ST6GAL2: variants seen among roughly 807,000 people sequenced by gnomAD.
ST6GAL2 encodes the protein ST6 beta-galactoside alpha-2,6-sialyltransferase 2.
Under a neutral mutation model 37.5 loss-of-function variants are expected in ST6GAL2, and 24 were observed. The observed-to-expected ratio is 0.64, with a 90% CI of 0.46 to 0.90. The LOEUF is 0.90. Among genes scored for constraint, ST6GAL2 ranks in the 40% least tolerant of loss-of-function variants. The pLI is 0.00. For synonymous variants in ST6GAL2, 306 were observed against 295.1 expected (o/e 1.04, Z -0.38); for missense variants, 715 against 712.7 (o/e 1.00, Z -0.04).
chr2:106,870,280 A>G (rs1678209986), intron 1 of ST6GAL2, among the ~76,000 whole-genome samples: 1 of 152,208 alleles, frequency 6.6e-6, no homozygotes, highest in African/African-American at 2.4e-5. Flanking sequence ...AAAAATGAAT[A>G]AAGATAGTTA....
chr2:106,885,668 C>A (rs1455275231), intron 1 of ST6GAL2, among the ~76,000 whole-genome samples: 1 of 152,078 alleles, frequency 6.6e-6, no homozygotes, highest in African/African-American at 2.4e-5. Flanking sequence ...TGCCGCCTGC[C>A]AACTACATAA....
rs878871894 is a variant in ST6GAL2, at chr2:106,830,316, T to C, written c.1144-76A>G. ...AGGAGACAGGGCATGGCTGGTTGAT[T>C]TGAGGCAGAGGGGCCAGGCTGGGGC... On this transcript the variant is annotated intron_variant, in intron 4 of 5. Transcript: ENST00000409382. 9.1e-6 allele frequency: 12 copies of C among 1,324,666 alleles called. No individual in the cohort carries two copies. In the South Asian group the frequency reaches 1.6e-4, roughly 17 times the overall value. The allele number at this position is 1,324,666 out of a possible 1,614,324, so 82.1% of individuals were successfully genotyped here. A position where few individuals can be genotyped will look rare whatever the true frequency, so the allele number is the denominator to read the frequency against.
intron 1 of ST6GAL2, among the ~76,000 whole-genome samples, chr2:106,881,907 C>G (rs146900087): frequency 6.6e-6 from 1 of 152,248 alleles, no homozygotes; most frequent in Non-Finnish European, 1.5e-5. Context: ...CAGGAGACTA[C>G]TTTTTGAACT....
chr2:106,821,235 T>C (rs994037333), intron 5 of ST6GAL2, among the ~76,000 whole-genome samples: 1 of 151,322 alleles, frequency 6.6e-6, no homozygotes, highest in African/African-American at 2.4e-5. Context: ...AATTGAAAAA[T>C]ATTTAGCCAG....
At chr2:106,844,658 C>T (rs1489199984) in intron 1 of ST6GAL2, among the ~76,000 whole-genome samples, 3 of 152,198 alleles carry the variant, frequency 2.0e-5, no homozygotes, top group Non-Finnish European at 4.4e-5. Flanking sequence ...AATGTTATTT[C>T]AGGGTGCCTG....
chr2:106,877,407 G>A (rs1360130402), intron 1 of ST6GAL2, among the ~76,000 whole-genome samples: 4 of 152,196 alleles, frequency 2.6e-5, no homozygotes, highest in Admixed American at 6.5e-5. Context: ...GAAGGCCTGC[G>A]AGCTCCACAC....
intron 1 of ST6GAL2, among the ~76,000 whole-genome samples, chr2:106,844,450 C>T (rs1245723143): frequency 6.6e-6 from 1 of 152,092 alleles, no homozygotes; most frequent in Non-Finnish European, 1.5e-5. Context: ...GCATGGTTTG[C>T]CCCTTTTGTC....
intron 5 of ST6GAL2, among the ~76,000 whole-genome samples, chr2:106,825,760 T>G (rs1676177019): frequency 6.6e-6 from 1 of 152,256 alleles, no homozygotes; most frequent in African/African-American, 2.4e-5. Context: ...ATTTTATTTA[T>G]GTCTGTCCTG....
chr2:106,879,660 G>T (rs1448821441), intron 1 of ST6GAL2, among the ~76,000 whole-genome samples: 1 of 148,622 alleles, frequency 6.7e-6, no homozygotes, highest in East Asian at 1.9e-4. Context: ...CGTATCTAAT[G>T]TATATAATAG....
chr2:106,841,226 A>C (rs538232667), intron 2 of ST6GAL2: 1 of 152,302 alleles, frequency 6.6e-6, no homozygotes, highest in South Asian at 2.1e-4. Context: ...GCCTGCCTAC[A>C]GTGGCTTCAC....
At chr2:106,829,685 G>GA (rs1676338407) in intron 5 of ST6GAL2, among the ~76,000 whole-genome samples, 1 of 149,248 alleles carries the variant, frequency 6.7e-6, no homozygotes, top group Non-Finnish European at 1.5e-5. Context: ...TTACACGAGT[G>GA]TTTTTTTTTT....
rs921015972 is a variant in ST6GAL2, at chr2:106,884,170, T to G, written c.-58+1923A>C. Among the ~76,000 whole-genome samples the G allele has an allele frequency of 1.2e-4, 18 of 152,270 alleles. No homozygotes were observed. The East Asian group carries it at 1.5e-3, about 13-fold the overall frequency. ...GAAACAAGCACGTACAGGAATTTTT[T>G]CAGCAGTCCCTTCGCTATTTAATCT... On this transcript the variant is annotated intron_variant, in intron 1 of 5. Transcript: ENST00000409382.
At chr2:106,816,287 C>A (rs1302724006) in intron 5 of ST6GAL2, among the ~76,000 whole-genome samples, 1 of 152,146 alleles carries the variant, frequency 6.6e-6, no homozygotes, top group Non-Finnish European at 1.5e-5. Flanking sequence ...TAATTCTAAA[C>A]CTCCTCAGCC....
chr2:106,861,636 CT>C (rs1013434378), intron 1 of ST6GAL2, among the ~76,000 whole-genome samples: 98 of 143,620 alleles, frequency 6.8e-4, no homozygotes, highest in Admixed American at 8.4e-4. Flanking sequence ...TTCTTTTTTT[CT>C]TTTTTTTTTT....
intron 1 of ST6GAL2, among the ~76,000 whole-genome samples, chr2:106,873,954 A>G (rs1049759527): frequency 7.9e-5 from 12 of 152,306 alleles, no homozygotes; most frequent in African/African-American, 2.9e-4. Context: ...AGAGGGAAAA[A>G]ATCCAACCTA....
intron 5 of ST6GAL2, among the ~76,000 whole-genome samples, chr2:106,816,352 A>G (rs991317866): frequency 5.9e-5 from 9 of 152,234 alleles, no homozygotes; most frequent in African/African-American, 2.2e-4. Flanking sequence ...TTTTTACTGA[A>G]TTCCAAGAAA....
At chr2:106,827,893 T>G (rs1283292610) in intron 5 of ST6GAL2, among the ~76,000 whole-genome samples, 5 of 152,168 alleles carry the variant, frequency 3.3e-5, no homozygotes, top group Admixed American at 1.3e-4. Context: ...GGTCAGAGGA[T>G]TAACTAACTT....
At chr2:106,874,045 T>A (rs11687503) in intron 1 of ST6GAL2, among the ~76,000 whole-genome samples, 1 of 152,038 alleles carries the variant, frequency 6.6e-6, no homozygotes, top group Non-Finnish European at 1.5e-5. Flanking sequence ...TCCATCCATT[T>A]GACATAGATT....
intron 1 of ST6GAL2, among the ~76,000 whole-genome samples, chr2:106,846,225 T>C (rs1677139391): frequency 6.6e-6 from 1 of 152,202 alleles, no homozygotes. Context: ...GTGATAATGA[T>C]AGATTGTTGT....
Sources: allele counts gnomAD v4.1 joint callset (sites outside exome capture counted in the v4.1 genomes callset), GRCh38; gene constraint gnomAD v4.1.1; transcripts MANE v1.5; gene names NCBI Gene and HGNC (gene_info 2026-07-23, HGNC 2026-07-21).